Variants in RNGTT observed in about 807,000 individuals in gnomAD.
The protein encoded by RNGTT is mRNA-capping enzyme.
In RNGTT, 33 loss-of-function variants were observed where a neutral mutation model predicts 79.3. That is an observed-to-expected ratio of 0.42 (90% CI 0.32 to 0.56). The LOEUF (loss-of-function observed/expected upper bound fraction) is 0.56, where lower values mean the gene tolerates loss of function less well. RNGTT is among the 20% of genes least tolerant of loss of function. The probability of loss-of-function intolerance (pLI) is 0.17; values close to 1 mark genes in which losing one functional copy is unlikely to be tolerated. For missense variants in RNGTT, 497 were observed against 739.1 expected (o/e 0.67, Z 3.80); for synonymous variants, 222 against 235.9 (o/e 0.94, Z 0.54).
intron 13 of RNGTT, among the ~76,000 whole-genome samples, chr6:88,754,317 C>A (rs907215585): frequency 6.6e-6 from 1 of 152,154 alleles, no homozygotes; most frequent in Non-Finnish European, 1.5e-5. Flanking sequence ...AATCTAAAAA[C>A]CCTAGAGATC....
intron 4 of RNGTT, among the ~76,000 whole-genome samples, chr6:88,925,054 T>C (rs1186627207): frequency 6.6e-6 from 1 of 152,076 alleles, no homozygotes; most frequent in Non-Finnish European, 1.5e-5. Flanking sequence ...AATTTTTCTC[T>C]TTTATGTGGC....
intron 13 of RNGTT, among the ~76,000 whole-genome samples, chr6:88,679,883 C>G (rs1775024248): frequency 6.6e-6 from 1 of 152,138 alleles, no homozygotes; most frequent in Non-Finnish European, 1.5e-5. Flanking sequence ...CACGATTACA[C>G]ATAAAGAAGA....
At chr6:88,827,814 A>C (rs1780721624) in intron 11 of RNGTT, among the ~76,000 whole-genome samples, 1 of 152,124 alleles carries the variant, frequency 6.6e-6, no homozygotes, top group African/African-American at 2.4e-5. Flanking sequence ...AGCTCCACAA[A>C]CTGCTGTAGC....
intron 4 of RNGTT, among the ~76,000 whole-genome samples, chr6:88,923,719 G>C (rs982478788): frequency 6.6e-6 from 1 of 151,960 alleles, no homozygotes; most frequent in Non-Finnish European, 1.5e-5. Context: ...TCTTCCTTAC[G>C]ATCCCTTTTC....
chr6:88,639,719 T>C (rs3778172), intron 14 of RNGTT, among the ~76,000 whole-genome samples: 10,930 of 152,258 alleles, frequency 0.072, 455 homozygotes, highest in African/African-American at 0.094. Context: ...AAGTGCTCAA[T>C]AGATGTTTAT....
At chr6:88,829,896 C>T (rs1184604441) in intron 11 of RNGTT, among the ~76,000 whole-genome samples, 2 of 152,046 alleles carry the variant, frequency 1.3e-5, no homozygotes, top group Admixed American at 6.5e-5. Flanking sequence ...AAAGTAAGTT[C>T]TTAGAGGCCT....
At chr6:88,699,321 A>T (rs1775865472) in intron 13 of RNGTT, among the ~76,000 whole-genome samples, 2 of 152,172 alleles carry the variant, frequency 1.3e-5, no homozygotes, top group African/African-American at 4.8e-5. Flanking sequence ...TTTAAAATTG[A>T]TTATTTTGTA....
chr6:88,771,028 C>A (rs1778638995), intron 12 of RNGTT, among the ~76,000 whole-genome samples: 1 of 151,906 alleles, frequency 6.6e-6, no homozygotes, highest in Non-Finnish European at 1.5e-5. Context: ...ATATGTATTA[C>A]AAATATTTTC....
At chr6:88,913,122 T>C (rs1160871367) in intron 4 of RNGTT, among the ~76,000 whole-genome samples, 1 of 151,484 alleles carries the variant, frequency 6.6e-6, no homozygotes, top group Non-Finnish European at 1.5e-5. Flanking sequence ...TGAGAATTGC[T>C]TGAACACAGG....
intron 14 of RNGTT, among the ~76,000 whole-genome samples, chr6:88,618,200 A>C (rs1171132867): frequency 6.6e-6 from 1 of 152,238 alleles, no homozygotes; most frequent in African/African-American, 2.4e-5. Flanking sequence ...CGTACCTGCC[A>C]CTACTAACCT....
chr6:88,736,540 AAGAGAAG>A (rs1777292017), intron 13 of RNGTT, among the ~76,000 whole-genome samples: 4 of 152,224 alleles, frequency 2.6e-5, no homozygotes, highest in Non-Finnish European at 4.4e-5. Flanking sequence ...AAAGTATTAA[AAGAGAAG>A]CTTGGTTACT....
chr6:88,846,895 T>G (rs1220975862), intron 10 of RNGTT, among the ~76,000 whole-genome samples: 1 of 152,174 alleles, frequency 6.6e-6, no homozygotes, highest in Non-Finnish European at 1.5e-5. Context: ...CCCAGGGAAG[T>G]TGGAATACTC....
intron 13 of RNGTT, among the ~76,000 whole-genome samples, chr6:88,715,107 T>C (rs1417787738): frequency 2.0e-5 from 3 of 152,200 alleles, no homozygotes; most frequent in Non-Finnish European, 2.9e-5. Flanking sequence ...GACAGGCAAC[T>C]TCAGCAAAGT....
At chr6:88,867,025 G>C (rs1562293140) in intron 8 of RNGTT, among the ~76,000 whole-genome samples, 1 of 152,198 alleles carries the variant, frequency 6.6e-6, no homozygotes, top group South Asian at 2.1e-4. Context: ...GCATCTCCTG[G>C]AAACTTGTCA....
Position 88,645,505 on chromosome 6 carries a change from T to A in RNGTT, c.1507-31110A>T, listed in dbSNP as rs553755357. On this transcript the variant is annotated intron_variant, in intron 14 of 15. Transcript: ENST00000369485. The stretch of plus-strand genomic sequence containing the variant: ...CTTCACAGAATTGGAAAAAACTACT[T>A]TAAAGTTCATATGGAACCAAAAAAG... Among the ~76,000 whole-genome samples the A allele has an allele frequency of 5.6e-4, 85 of 152,276 alleles. 1 individual carries two copies. Among genetic ancestry groups the A allele is most frequent in the Middle Eastern group, 3.4e-3 (1 of 294 alleles).
At chr6:88,780,531 C>T (rs1247184203) in intron 12 of RNGTT, among the ~76,000 whole-genome samples, 1 of 152,054 alleles carries the variant, frequency 6.6e-6, no homozygotes, top group Admixed American at 6.6e-5. Flanking sequence ...ATTCAATTTA[C>T]CAGCATGTAT....
chr6:88,853,857 AC>A (rs990059122), intron 8 of RNGTT, 93 bp from the exon 9 acceptor site: 1 of 659,232 alleles, frequency 1.5e-6, no homozygotes, highest in African/African-American at 1.9e-5. Context: ...TAGACCTTAA[AC>A]ATCTGTAGAC....
intron 13 of RNGTT, among the ~76,000 whole-genome samples, chr6:88,723,266 G>A (rs1291123398): frequency 6.6e-6 from 1 of 152,188 alleles, no homozygotes; most frequent in Non-Finnish European, 1.5e-5. Context: ...TGTGTCTTAT[G>A]TGGAGTTCTG....
At chr6:88,924,677 GTTGTT>G (rs1307092674) in intron 4 of RNGTT, among the ~76,000 whole-genome samples, 2 of 150,368 alleles carry the variant, frequency 1.3e-5, no homozygotes, top group South Asian at 2.1e-4. Context: ...TTTTGTTGTT[GTTGTT>G]TTATGTTTTA....
Sources: allele counts gnomAD v4.1 joint callset (sites outside exome capture counted in the v4.1 genomes callset), GRCh38; gene constraint gnomAD v4.1.1; transcripts MANE v1.5; gene names NCBI Gene and HGNC (gene_info 2026-07-23, HGNC 2026-07-21).